The following JAML variants were observed in gnomAD, a reference collection of about 807,000 sequenced individuals.
The protein encoded by JAML is junction adhesion molecule like, also known as junctional adhesion molecule-like.
JAML carries 25 observed loss-of-function variants against 39.3 expected under a neutral mutation model. The ratio of observed to expected loss-of-function variants is 0.64; its 90% CI spans 0.46 to 0.89. JAML has a LOEUF of 0.89. JAML is among the 40% of genes least tolerant of loss of function. The pLI, the probability that JAML is intolerant of heterozygous loss-of-function variation, is 0.00. For synonymous variants in JAML, 162 were observed against 179.2 expected (o/e 0.90, Z 0.77); for missense variants, 440 against 486.9 (o/e 0.90, Z 0.91).
At chr11:118,208,683 A>G (rs140834668) in intron 4 of JAML, among the ~76,000 whole-genome samples, 67 of 152,366 alleles carry the variant, frequency 4.4e-4, no homozygotes, top group African/African-American at 1.6e-3. Context: ...TGTTCCTTCT[A>G]TTCCACACTC....
At chr11:118,202,551 G>C (rs955525985) in intron 6 of JAML, 4 of 191,358 alleles carry the variant, frequency 2.1e-5, no homozygotes, top group African/African-American at 9.4e-5. Context: ...GATAAGAATG[G>C]GGGAGACATA....
intron 4 of JAML, among the ~76,000 whole-genome samples, chr11:118,209,859 C>G (rs1391099317): frequency 1.3e-5 from 2 of 150,708 alleles, no homozygotes; most frequent in Non-Finnish European, 3.0e-5. Context: ...TTTTTCTTTT[C>G]TTTTCTTTTC....
intron 4 of JAML, among the ~76,000 whole-genome samples, chr11:118,207,456 G>C (rs1948941396): frequency 6.6e-6 from 1 of 152,134 alleles, no homozygotes; most frequent in East Asian, 1.9e-4. Flanking sequence ...ACTCTACTGT[G>C]GCACCCCACA....
chr11:118,217,191 C>T (rs1303675666), intron 1 of JAML, among the ~76,000 whole-genome samples: 1 of 152,218 alleles, frequency 6.6e-6, no homozygotes, highest in Non-Finnish European at 1.5e-5. Context: ...GGGGCAGCAC[C>T]GGCAAAATGC....
chr11:118,214,475 G>A (rs1001729787), intron 2 of JAML, among the ~76,000 whole-genome samples: 1 of 152,200 alleles, frequency 6.6e-6, no homozygotes, highest in Admixed American at 6.5e-5. Flanking sequence ...TCTCTCTTTG[G>A]TAATTTCAGT....
chr11:118,204,830 A>G (rs1948884145), intron 5 of JAML: 1 of 152,220 alleles, frequency 6.6e-6, no homozygotes, highest in Non-Finnish European at 1.5e-5. Context: ...GATTCTTTAA[A>G]AATAACTTGT....
rs973443372 is a variant in JAML, at chr11:118,212,296, C to T, written c.198+111G>A. ...CCAGTTCTGATAATCTCCAAAGCCC[C>T]GGCTCTTGCAACACCTCCTGGTGGC... On this transcript the variant is annotated intron_variant, in intron 3 of 9. Coordinates refer to ENST00000356289, the MANE Select transcript of JAML (RefSeq NM_001098526.2). 17 of 1,358,128 alleles carry T rather than the reference C, an allele frequency of 1.3e-5. 1 individual carries two copies. Among genetic ancestry groups the T allele is most frequent in the South Asian group, 1.2e-4 (8 of 68,728 alleles). 84.1% of individuals were successfully genotyped at this position (1,358,128 alleles called of 1,614,324 possible).
At chr11:118,199,592 T>C (rs965786678) in intron 7 of JAML, among the ~76,000 whole-genome samples, 2 of 151,970 alleles carry the variant, frequency 1.3e-5, no homozygotes, top group African/African-American at 4.8e-5. Flanking sequence ...CAACAGCCAG[T>C]GAAACACAAG....
intron 5 of JAML, chr11:118,204,734 C>A (rs563140045): frequency 1.3e-5 from 2 of 152,190 alleles, no homozygotes; most frequent in Middle Eastern, 6.8e-3. Flanking sequence ...GTATTATATA[C>A]GTCTTTATTA....
At chr11:118,197,175 A>G in intron 8 of JAML, 1 of 244,592 alleles carries the variant, frequency 4.1e-6, no homozygotes, top group Non-Finnish European at 8.1e-6. Flanking sequence ...TCAGCAGTGA[A>G]TTGTCATCAT....
At chr11:118,219,998 AG>A (rs1225185726) in intron 1 of JAML, among the ~76,000 whole-genome samples, 1 of 152,244 alleles carries the variant, frequency 6.6e-6, no homozygotes, top group Non-Finnish European at 1.5e-5. Context: ...CCTGAAGGCC[AG>A]GGGCTGAAGA....
intron 1 of JAML, 69 bp from the exon 2 acceptor site, chr11:118,214,955 T>G (rs1949120844): frequency 7.1e-7 from 1 of 1,406,500 alleles, no homozygotes; most frequent in African/African-American, 1.4e-5. Flanking sequence ...AAACCAATAG[T>G]GAAGGACTAT....
rs375940544 is a variant in JAML at position 118,214,843 on chromosome 11, G to A, written c.24C>T (p.Ile8=). The A allele has an allele frequency of 6.2e-7, 1 of 1,614,154 alleles. No homozygotes were observed. Among genetic ancestry groups the A allele is most frequent in the Non-Finnish European group, 8.5e-7 (1 of 1,180,020 alleles). MFCPLKL[I]LLPVLLDYSL... ...ACTTACCCAGTAACACTGGCAGCAG[G>A]ATGAGTTTCAGTGGGCAAAACATGC... The change falls in exon 2 of 10, where the codon ATC becomes ATT. Residue 8 remains isoleucine, a synonymous_variant. Coordinates refer to ENST00000356289, the MANE Select transcript of JAML (RefSeq NM_001098526.2).
Sources: allele counts gnomAD v4.1 joint callset (sites outside exome capture counted in the v4.1 genomes callset), GRCh38; gene constraint gnomAD v4.1.1; transcripts MANE v1.5; gene names NCBI Gene and HGNC (gene_info 2026-07-23, HGNC 2026-07-21).